The following PDGFRA variants were observed in gnomAD, a reference collection of about 807,000 sequenced individuals.
The protein encoded by PDGFRA is platelet derived growth factor receptor alpha.
PDGFRA carries 25 observed loss-of-function variants against 121.5 expected under a neutral mutation model. That is an observed-to-expected ratio of 0.21 (90% CI 0.15 to 0.29). The LOEUF is 0.29. PDGFRA is among the 10% of genes least tolerant of loss of function. PDGFRA has a pLI of 1.00. For synonymous variants in PDGFRA, 463 were observed against 494.8 expected (o/e 0.94, Z 0.85); for missense variants, 1,008 against 1,345.1 (o/e 0.75, Z 3.92).
chr4:54,260,234 TAAAC>T (rs2110238677), intron 2 of PDGFRA, among the ~76,000 whole-genome samples: 1 of 151,938 alleles, frequency 6.6e-6, no homozygotes, highest in South Asian at 2.1e-4. Flanking sequence ...AAGAAATAAA[TAAAC>T]AAATAAATCC....
Position 54,264,072 on chromosome 4 carries a change from T to C in PDGFRA, c.628+145T>C, listed in dbSNP as rs112478250. The C allele has an allele frequency of 4.8e-5, 33 of 691,154 alleles. 1 individual carries two copies. Among genetic ancestry groups the C allele is most frequent in the African/African-American group, 3.8e-4 (21 of 55,412 alleles). 42.8% of individuals were successfully genotyped at this position (691,154 alleles called of 1,614,324 possible). On this transcript the variant is annotated intron_variant, in intron 4 of 22. Transcript: ENST00000257290. ...GGATTTAGGACCCCAGCTAATACAA[T>C]GTCTGTGGCTATAATAATAAGCTTA...
intron 1 of PDGFRA, among the ~76,000 whole-genome samples, chr4:54,250,466 G>A (rs1721991860): frequency 6.6e-6 from 1 of 152,186 alleles, no homozygotes; most frequent in East Asian, 1.9e-4. Flanking sequence ...AATGCTATTT[G>A]GCTTTCTTTG....
At chr4:54,250,027 A>G (rs2110213821) in intron 1 of PDGFRA, among the ~76,000 whole-genome samples, 1 of 152,264 alleles carries the variant, frequency 6.6e-6, no homozygotes, top group East Asian at 1.9e-4. Context: ...TGACATTAAT[A>G]CTACACTAAT....
chr4:54,261,646 G>T (rs1044309415), intron 3 of PDGFRA, among the ~76,000 whole-genome samples: 12 of 151,710 alleles, frequency 7.9e-5, no homozygotes, highest in African/African-American at 2.9e-4. Context: ...GTCCTGTATT[G>T]ATACTGTATA....
intron 4 of PDGFRA, chr4:54,264,445 C>T: frequency 4.1e-6 from 1 of 244,300 alleles, no homozygotes; most frequent in South Asian, 5.4e-5. Flanking sequence ...GTTTTAAAAT[C>T]AGAGCACAGC....
chr4:54,286,155 G>A (rs537473667), intron 18 of PDGFRA, among the ~76,000 whole-genome samples, 192 bp downstream of exon 18: 23 of 152,190 alleles, frequency 1.5e-4, no homozygotes, highest in Non-Finnish European at 2.8e-4. Flanking sequence ...TTTGGATTTG[G>A]GGCTAGATAC....
At chr4:54,256,086 A>G (rs1030845239) in intron 1 of PDGFRA, among the ~76,000 whole-genome samples, 5 of 152,078 alleles carry the variant, frequency 3.3e-5, no homozygotes, top group Admixed American at 6.5e-5. Flanking sequence ...GGTTTCATAA[A>G]GACCACAGGA....
In PDGFRA at chr4:54,285,952, T is replaced by C. The variant is rs2110338375; in HGVS notation, c.2551T>C (p.Ser851Pro). ...RDIMHDSNYVSKGSTFLPVKW... is the reference protein window; with the variant it reads ...RDIMHDSNYVPKGSTFLPVKW... ...CATCATGCATGATTCGAACTATGTG[T>C]CGAAAGGCAGTGTACGTCCTCACTT... The change falls in exon 18 of 23, where the codon TCG becomes CCG. Residue 851 changes from serine to proline, a missense_variant. Ser to Pro is a moderately conservative substitution (Grantham distance 74). Transcript: ENST00000257290. 6.2e-7 allele frequency: 1 copy of C among 1,614,130 alleles called. No individual in the cohort carries two copies.
intron 13 of PDGFRA, 104 bp downstream of exon 13, chr4:54,277,596 G>A (rs1723810308): frequency 1.3e-6 from 1 of 796,888 alleles, no homozygotes. Context: ...AAGACATTTA[G>A]GACTAGGTCC....
In PDGFRA at chr4:54,297,736, A is replaced by G. The variant is rs1472601635; in HGVS notation, c.*2464A>G. 2.6e-5 allele frequency: 6 copies of G among 233,556 alleles called. No homozygotes were observed. Among genetic ancestry groups the G allele is most frequent in the Non-Finnish European group, 4.2e-5 (5 of 118,066 alleles). The allele number at this position is 233,556 out of a possible 1,614,324, so 14.5% of individuals were successfully genotyped here. A position where few individuals can be genotyped will look rare whatever the true frequency, so the allele number is the denominator to read the frequency against. On this transcript the variant is annotated 3_prime_UTR_variant, in exon 23 of 23. Transcript: ENST00000257290. ...CAAAGTCTCCAGAAGAAAATTTGCCAATCTTTCCTACTTTCTATTTTTATG... is the reference window on the plus strand; with the variant it reads ...CAAAGTCTCCAGAAGAAAATTTGCCGATCTTTCCTACTTTCTATTTTTATG...
At chr4:54,244,221 C>T (rs1721483709) in intron 1 of PDGFRA, among the ~76,000 whole-genome samples, 1 of 152,218 alleles carries the variant, frequency 6.6e-6, no homozygotes, top group African/African-American at 2.4e-5. Context: ...CAGTGATTCT[C>T]CCAGCACACA....
chr4:54,294,947 G>A (rs1036798811), intron 22 of PDGFRA, among the ~76,000 whole-genome samples, 178 bp from the exon 23 acceptor site: 3 of 152,160 alleles, frequency 2.0e-5, no homozygotes, highest in Non-Finnish European at 2.9e-5. Flanking sequence ...AAAAATGATG[G>A]GTGGACCTTG....
intron 1 of PDGFRA, among the ~76,000 whole-genome samples, chr4:54,240,285 C>T (rs1201535412): frequency 2.6e-5 from 4 of 152,200 alleles, no homozygotes; most frequent in African/African-American, 9.7e-5. Flanking sequence ...TGAGAGTTCT[C>T]CCGTTGTGTT....
intron 12 of PDGFRA, chr4:54,277,042 G>C: frequency 2.8e-6 from 1 of 352,950 alleles, no homozygotes; most frequent in East Asian, 6.0e-5. Context: ...GAAGGGGAGA[G>C]AGCCAGGAGG....
intron 20 of PDGFRA, 42 bp downstream of exon 20, chr4:54,288,940 G>T: frequency 6.5e-7 from 1 of 1,542,642 alleles, no homozygotes; most frequent in South Asian, 1.1e-5. Flanking sequence ...TTCACAGTCT[G>T]TGGGTCTAGG....
chr4:54,255,922 A>G lies in PDGFRA; in HGVS notation c.-12-2835A>G, dbSNP rs1343983246. Among the ~76,000 whole-genome samples, 5 of 152,118 alleles carry G rather than the reference A, an allele frequency of 3.3e-5. No homozygotes were observed. The East Asian group carries it at 7.8e-4, about 24-fold the overall frequency. On this transcript the variant is annotated intron_variant, in intron 1 of 22. Coordinates refer to ENST00000257290, the MANE Select transcript of PDGFRA (RefSeq NM_006206.6). Reference sequence around the variant, plus strand: ...GAACAAATTGAGTCCTATTAGGCCCACTCCATTGCATGAGTTAGCATCAGA... The same window carrying G: ...GAACAAATTGAGTCCTATTAGGCCCGCTCCATTGCATGAGTTAGCATCAGA...
chr4:54,245,912 T>C (rs1201048262), intron 1 of PDGFRA, among the ~76,000 whole-genome samples: 1 of 151,946 alleles, frequency 6.6e-6, no homozygotes, highest in Non-Finnish European at 1.5e-5. Flanking sequence ...GGGGTTGCAA[T>C]CCTAGTCTCT....
intron 3 of PDGFRA, among the ~76,000 whole-genome samples, chr4:54,261,929 A>ATTT (rs1414200279): frequency 4.8e-4 from 29 of 60,484 alleles, no homozygotes; most frequent in South Asian, 4.1e-3. Flanking sequence ...ATATATATAT[A>ATTT]TATTTTTTTT....
intron 15 of PDGFRA, chr4:54,279,075 A>G (rs1424407596): frequency 3.1e-6 from 1 of 321,302 alleles, no homozygotes; most frequent in Non-Finnish European, 6.3e-6. Flanking sequence ...AAGGAATTGT[A>G]TGCCCAAGCC....
Sources: gnomAD v4.1 joint callset for allele counts (sites outside exome capture counted in the v4.1 genomes callset) on GRCh38, gnomAD v4.1.1 for gene constraint, MANE v1.5 for transcripts, NCBI Gene and HGNC (gene_info 2026-07-23, HGNC 2026-07-21) for gene names.